The following PDE10A variants were observed in gnomAD, a reference collection of about 807,000 sequenced individuals.
The protein encoded by PDE10A is phosphodiesterase 10A.
PDE10A carries 39 observed loss-of-function variants against 97.7 expected under a neutral mutation model. The ratio of observed to expected loss-of-function variants is 0.40; its 90% CI spans 0.31 to 0.52. The LOEUF (loss-of-function observed/expected upper bound fraction) is 0.52, where lower values mean the gene tolerates loss of function less well. Among genes scored for constraint, PDE10A ranks in the 20% least tolerant of loss-of-function variants. The pLI, the probability that PDE10A is intolerant of heterozygous loss-of-function variation, is 0.56. For synonymous variants in PDE10A, 371 were observed against 376.8 expected (o/e 0.98, Z 0.18); for missense variants, 731 against 1,047.8 (o/e 0.70, Z 4.17).
At chr6:165,488,416 C>A (rs1027625854) in intron 2 of PDE10A, among the ~76,000 whole-genome samples, 10 of 152,072 alleles carry the variant, frequency 6.6e-5, no homozygotes, top group Non-Finnish European at 5.9e-5. Flanking sequence ...GGATAGCCTT[C>A]AAGGGAAGAA....
At chr6:165,832,907 G>A (rs1012674255) in intron 1 of PDE10A, among the ~76,000 whole-genome samples, 1 of 152,176 alleles carries the variant, frequency 6.6e-6, no homozygotes, top group African/African-American at 2.4e-5. Flanking sequence ...TGAGGTTGGC[G>A]AGGACTCTTT....
intron 1 of PDE10A, chr6:165,940,877 T>C (rs1053286931): frequency 1.3e-5 from 2 of 152,260 alleles, no homozygotes; most frequent in African/African-American, 4.8e-5. Context: ...TTCTCCAACT[T>C]TTGGTGCTAT....
intron 2 of PDE10A, among the ~76,000 whole-genome samples, chr6:165,514,769 C>T (rs954850879): frequency 6.6e-6 from 1 of 152,172 alleles, no homozygotes; most frequent in Admixed American, 6.5e-5. Context: ...TCAGGGGGTA[C>T]CGGAAGTAGC....
intron 1 of PDE10A, among the ~76,000 whole-genome samples, chr6:165,945,502 A>G (rs974648258): frequency 2.0e-5 from 3 of 152,234 alleles, no homozygotes; most frequent in Non-Finnish European, 4.4e-5. Flanking sequence ...TGATAGTATT[A>G]GGAGGTGGGG....
At chr6:165,973,422 AAAAAAT>A (rs1784753949) in intron 1 of PDE10A, among the ~76,000 whole-genome samples, 1 of 146,772 alleles carries the variant, frequency 6.8e-6, no homozygotes, top group African/African-American at 2.6e-5. Context: ...TCAAAAAAAA[AAAAAAT>A]AAAATAAAAA....
At chr6:165,565,198 AT>A (rs762653503) in intron 1 of PDE10A, among the ~76,000 whole-genome samples, 211 of 152,266 alleles carry the variant, frequency 1.4e-3, no homozygotes, top group Non-Finnish European at 2.5e-3. Context: ...ATATAGAAAA[AT>A]TTTTTTAAAA....
intron 1 of PDE10A, among the ~76,000 whole-genome samples, chr6:165,624,775 T>A (rs1351597116): frequency 1.3e-5 from 2 of 151,830 alleles, no homozygotes; most frequent in African/African-American, 2.4e-5. Flanking sequence ...AGACAGGGAG[T>A]CAAGAAAGTA....
At chr6:165,577,506 C>T (rs1785372105) in intron 1 of PDE10A, among the ~76,000 whole-genome samples, 1 of 152,156 alleles carries the variant, frequency 6.6e-6, no homozygotes, top group Non-Finnish European at 1.5e-5. Flanking sequence ...CTATAAAGGC[C>T]CCACACCCCC....
intron 3 of PDE10A, among the ~76,000 whole-genome samples, chr6:165,473,614 A>T: frequency 1.0e-5 from 1 of 96,676 alleles, no homozygotes; most frequent in Non-Finnish European, 2.1e-5. Flanking sequence ...TACAGCTGAC[A>T]ATTAAGTGGA....
intron 1 of PDE10A, among the ~76,000 whole-genome samples, chr6:165,650,972 G>A (rs547939319): frequency 9.2e-5 from 14 of 152,260 alleles, no homozygotes; most frequent in Middle Eastern, 3.4e-3. Flanking sequence ...TCTTGACCTC[G>A]TGATCCACCC....
At chr6:165,630,343 G>A (rs1788573305) in intron 1 of PDE10A, among the ~76,000 whole-genome samples, 1 of 152,218 alleles carries the variant, frequency 6.6e-6, no homozygotes, top group Admixed American at 6.5e-5. Flanking sequence ...GTGAGACCCT[G>A]TCTCAATTTA....
intron 1 of PDE10A, among the ~76,000 whole-genome samples, chr6:165,803,790 T>C (rs1779043802): frequency 6.6e-6 from 1 of 152,220 alleles, no homozygotes; most frequent in Non-Finnish European, 1.5e-5. Context: ...CAACCCTCCT[T>C]GTATACTTTT....
Position 165,343,388 on chromosome 6 carries a change from TAC to T in PDE10A, c.2895+1_2895+2del, listed in dbSNP as rs1429404208. 1 of 1,591,608 alleles carries T rather than the reference TAC, an allele frequency of 6.3e-7. No homozygotes were observed. On this transcript the variant is annotated splice_donor_variant, in intron 19 of 21. Transcript: ENST00000539869. LOFTEE classifies it high-confidence loss of function. ...TATGTCAATATAAGAATCAAGGACA[TAC>T]CTCAGCCCAGAATTCTGCATATATA...
intron 1 of PDE10A, among the ~76,000 whole-genome samples, chr6:165,758,920 T>C (rs906399286): frequency 6.6e-6 from 1 of 152,248 alleles, no homozygotes; most frequent in African/African-American, 2.4e-5. Flanking sequence ...TTGAAAAGCA[T>C]GCATTTGCTT....
intron 1 of PDE10A, among the ~76,000 whole-genome samples, chr6:165,734,956 AG>A (rs1792527674): frequency 9.3e-6 from 1 of 107,134 alleles, no homozygotes; most frequent in Non-Finnish European, 1.9e-5. Flanking sequence ...GAAAGTAGAT[AG>A]ATAGATAGAT....
In PDE10A at chr6:165,941,562, G is replaced by A. The variant is rs77206197; in HGVS notation, c.-615+45967C>T. 9.5e-4 allele frequency among the ~76,000 whole-genome samples: 145 copies of A among 152,234 alleles called. 3 individuals are homozygous for A. The East Asian group carries it at 0.025, about 26-fold the overall frequency. On this transcript the variant is annotated intron_variant, in intron 1 of 19. Transcript: ENST00000366882. ...GGGATCATGGAGGTGGATCCCTCAC[G>A]GCTTGGTGCTGTCTTCCTGATAGAG...
At chr6:165,785,828 C>T (rs1186923122) in intron 1 of PDE10A, among the ~76,000 whole-genome samples, 1 of 152,210 alleles carries the variant, frequency 6.6e-6, no homozygotes, top group Non-Finnish European at 1.5e-5. Context: ...CATATTTTCA[C>T]ACACCTCAAC....
intron 1 of PDE10A, among the ~76,000 whole-genome samples, chr6:165,976,864 C>T (rs1460238697): frequency 6.6e-6 from 1 of 152,202 alleles, no homozygotes; most frequent in African/African-American, 2.4e-5. Context: ...GCCATGCCAT[C>T]CTCCTGTCCC....
intron 1 of PDE10A, among the ~76,000 whole-genome samples, chr6:165,562,875 G>C (rs989779417): frequency 6.6e-6 from 1 of 152,112 alleles, no homozygotes; most frequent in African/African-American, 2.4e-5. Flanking sequence ...TGTCATAAGA[G>C]GAAGGGGGTA....
Sources: gnomAD v4.1 joint callset for allele counts (sites outside exome capture counted in the v4.1 genomes callset) on GRCh38, gnomAD v4.1.1 for gene constraint, MANE v1.5 for transcripts, NCBI Gene and HGNC (gene_info 2026-07-23, HGNC 2026-07-21) for gene names.